The following NEK1 variants were observed in gnomAD, a reference collection of about 807,000 sequenced individuals.
NEK1 encodes the protein serine/threonine-protein kinase Nek1.
A neutral mutation model predicts 182.1 loss-of-function variants in NEK1; 137 were observed. The observed-to-expected ratio is 0.75, with a 90% CI of 0.65 to 0.87. NEK1 has a LOEUF of 0.87. Among genes scored for constraint, NEK1 ranks in the 40% least tolerant of loss-of-function variants. The pLI is 0.00. For synonymous variants in NEK1, 513 were observed against 492.2 expected (o/e 1.04, Z -0.56); for missense variants, 1,391 against 1,494.4 (o/e 0.93, Z 1.14).
At chr4:169,598,081 G>C (rs2150125286) in intron 5 of NEK1, among the ~76,000 whole-genome samples, 1 of 152,200 alleles carries the variant, frequency 6.6e-6, no homozygotes, top group South Asian at 2.1e-4. Flanking sequence ...GTAATCTCAG[G>C]AACAAAAGGG....
intron 2 of NEK1, among the ~76,000 whole-genome samples, chr4:169,604,020 A>G (rs1770932514): frequency 6.6e-6 from 1 of 151,632 alleles, no homozygotes; most frequent in Admixed American, 6.6e-5. Context: ...GAACATTTCT[A>G]TTTTTTCTCT....
chr4:169,460,110 G>GT (rs1209704154), intron 27 of NEK1, among the ~76,000 whole-genome samples: 1 of 152,086 alleles, frequency 6.6e-6, no homozygotes, highest in African/African-American at 2.4e-5. Context: ...GGGGGAGGCT[G>GT]TGTGTGTATG....
chr4:169,539,943 C>T (rs986524080), intron 18 of NEK1, among the ~76,000 whole-genome samples: 3 of 152,070 alleles, frequency 2.0e-5, no homozygotes, highest in Non-Finnish European at 2.9e-5. Context: ...GGTTAAACAG[C>T]GGTTGCACAA....
At chr4:169,601,298 A>G (rs1324399180) in intron 4 of NEK1, among the ~76,000 whole-genome samples, 1 of 152,156 alleles carries the variant, frequency 6.6e-6, no homozygotes, top group East Asian at 1.9e-4. Context: ...TTCAATCTAG[A>G]TTACCTGGTT....
At chr4:169,589,183 G>C (rs1768017780) in intron 7 of NEK1, among the ~76,000 whole-genome samples, 1 of 152,168 alleles carries the variant, frequency 6.6e-6, no homozygotes, top group Admixed American at 6.5e-5. Flanking sequence ...TGCTGTACCG[G>C]TTTGTAGCCC....
chr4:169,398,434 T>C (rs1037734554), intron 35 of NEK1, among the ~76,000 whole-genome samples: 4 of 152,172 alleles, frequency 2.6e-5, no homozygotes, highest in Non-Finnish European at 5.9e-5. Flanking sequence ...TTTTTAAAGA[T>C]CATGGGAAAA....
chr4:169,597,030 G>A (rs1228633565), intron 5 of NEK1, among the ~76,000 whole-genome samples: 1 of 151,882 alleles, frequency 6.6e-6, no homozygotes, highest in Non-Finnish European at 1.5e-5. Context: ...TTATCAAAGA[G>A]TAGAATCAAA....
intron 27 of NEK1, among the ~76,000 whole-genome samples, chr4:169,454,522 A>G (rs566990735): frequency 6.6e-6 from 1 of 152,366 alleles, no homozygotes; most frequent in African/African-American, 2.4e-5. Context: ...GGAAAAGGAT[A>G]TGAACAGAAA....
chr4:169,547,827 T>C (rs1024119126), intron 18 of NEK1, among the ~76,000 whole-genome samples: 6 of 152,214 alleles, frequency 3.9e-5, no homozygotes, highest in African/African-American at 1.4e-4. Flanking sequence ...CATCAGGTCA[T>C]TTATGTTCTT....
At chr4:169,483,736 T>C (rs1358844216) in intron 23 of NEK1, among the ~76,000 whole-genome samples, 1 of 151,704 alleles carries the variant, frequency 6.6e-6, no homozygotes, top group East Asian at 1.9e-4. Flanking sequence ...CATGGTGGTG[T>C]ACACCTGTAG....
rs181504712 is a variant in NEK1 at position 169,510,632 on chromosome 4, A to G, written c.1666-1780T>C. 4.6e-5 allele frequency among the ~76,000 whole-genome samples: 7 copies of G among 152,202 alleles called. No homozygotes were observed. In the East Asian group the frequency reaches 1.4e-3, roughly 29 times the overall value. ...CCTGAGAGTAACCTTTCTCTTTCACATCAAATCCCACACAAATCCTTCAAT... is the reference window on the plus strand; with the variant it reads ...CCTGAGAGTAACCTTTCTCTTTCACGTCAAATCCCACACAAATCCTTCAAT... On this transcript the variant is annotated intron_variant, in intron 19 of 35. Coordinates refer to ENST00000507142, the MANE Select transcript of NEK1 (RefSeq NM_001199397.3).
intron 19 of NEK1, among the ~76,000 whole-genome samples, chr4:169,510,863 TC>T (rs1314314441): frequency 6.6e-6 from 1 of 152,108 alleles, no homozygotes; most frequent in Non-Finnish European, 1.5e-5. Context: ...CTTCCAAAAC[TC>T]AAACCAAGTA....
Position 169,407,108 on chromosome 4 carries a change from C to T in NEK1, c.3223-361G>A, listed in dbSNP as rs1258004422. ...TATTTAGGTATAAACATGGAATGGA[C>T]TTGGAAATCTGTCAGGAATCAGGCA... On this transcript the variant is annotated intron_variant, in intron 31 of 35. Coordinates refer to ENST00000507142, the MANE Select transcript of NEK1 (RefSeq NM_001199397.3). Among the ~76,000 whole-genome samples, 3 of 152,104 alleles carry T rather than the reference C, an allele frequency of 2.0e-5. No individual in the cohort carries two copies. The East Asian group carries it at 5.8e-4, about 29-fold the overall frequency.
chr4:169,566,491 A>G (rs1256039015), intron 12 of NEK1, among the ~76,000 whole-genome samples: 1 of 152,198 alleles, frequency 6.6e-6, no homozygotes, highest in East Asian at 1.9e-4. Context: ...AATATATTCA[A>G]GGAGCTCCCT....
At chr4:169,481,782 T>G (rs1440603554) in intron 23 of NEK1, among the ~76,000 whole-genome samples, 1 of 152,192 alleles carries the variant, frequency 6.6e-6, no homozygotes, top group African/African-American at 2.4e-5. Context: ...GGCTTCAACT[T>G]AAAGTCACCA....
intron 31 of NEK1, among the ~76,000 whole-genome samples, chr4:169,409,521 C>A (rs1176357966): frequency 6.6e-6 from 1 of 151,956 alleles, no homozygotes; most frequent in Non-Finnish European, 1.5e-5. Flanking sequence ...GCAATCCCAG[C>A]ACTTTGGGAG....
chr4:169,426,099 C>G (rs770373460), intron 30 of NEK1, 47 bp downstream of exon 30: 1 of 1,334,414 alleles, frequency 7.5e-7, no homozygotes, highest in Admixed American at 1.8e-5. Context: ...TGTTAATAAT[C>G]ATTAACATCT....
chr4:169,415,289 T>C (rs945545265), intron 31 of NEK1, among the ~76,000 whole-genome samples: 2 of 152,198 alleles, frequency 1.3e-5, no homozygotes, highest in Non-Finnish European at 2.9e-5. Flanking sequence ...AGCTACCTTA[T>C]AAAATCATCT....
At chr4:169,548,074 C>G (rs1165961560) in intron 18 of NEK1, among the ~76,000 whole-genome samples, 1 of 152,206 alleles carries the variant, frequency 6.6e-6, no homozygotes, top group Non-Finnish European at 1.5e-5. Flanking sequence ...GAATTTTCAG[C>G]CTTTTTGCGC....
Sources: gnomAD v4.1 joint callset for allele counts (sites outside exome capture counted in the v4.1 genomes callset) on GRCh38, gnomAD v4.1.1 for gene constraint, MANE v1.5 for transcripts, NCBI Gene and HGNC (gene_info 2026-07-23, HGNC 2026-07-21) for gene names.